MUC4: variants seen among roughly 807,000 people sequenced by gnomAD.
MUC4 encodes the protein mucin 4, cell surface associated, also known as mucin-4.
A neutral mutation model predicts 257.9 loss-of-function variants in MUC4; 202 were observed. The observed-to-expected ratio is 0.78, with a 90% CI of 0.70 to 0.88. The LOEUF (loss-of-function observed/expected upper bound fraction) is 0.88. MUC4 is among the 40% of genes least tolerant of loss of function. The pLI is 0.00. For missense variants in MUC4, 5,976 were observed against 6,513.7 expected (o/e 0.92, Z 2.84); for synonymous variants, 2,351 against 2,757.1 (o/e 0.85, Z 4.62).
Position 195,764,055 on chromosome 3 carries a change from G to C in MUC4, c.14034C>G (p.Pro4678=). The change falls in exon 11 of 25, where the codon CCC becomes CCG. Residue 4678 remains proline (P), a synonymous_variant. Transcript: ENST00000463781. ...RPHVGCATYR[P]PQPAWMFGDP... ...GGCCCTGTCGCTCACCGGGCTGTGGGGGCCTGTATGTAGCACAGCCCACGT... is the reference window on the plus strand; with the variant it reads ...GGCCCTGTCGCTCACCGGGCTGTGGCGGCCTGTATGTAGCACAGCCCACGT... The C allele has an allele frequency of 6.2e-7, 1 of 1,610,356 alleles. No homozygotes were observed. Among genetic ancestry groups the C allele is most frequent in the Non-Finnish European group, 8.5e-7 (1 of 1,178,842 alleles).
At chr3:195,749,658 A>G (rs1401581251) in intron 23 of MUC4, among the ~76,000 whole-genome samples, 1 of 152,234 alleles carries the variant, frequency 6.6e-6, no homozygotes, top group Non-Finnish European at 1.5e-5. Flanking sequence ...ACATACCATC[A>G]TAATATGTCA....
chr3:195,798,680 G>A (rs1462619065), intron 1 of MUC4, among the ~76,000 whole-genome samples: 2 of 151,928 alleles, frequency 1.3e-5, no homozygotes, highest in Admixed American at 1.3e-4. Context: ...CTCCTGCCTG[G>A]GTGACAGAGT....
Position 195,781,256 on chromosome 3 carries a change from G to C in MUC4, c.10324C>G (p.Pro3442Ala), listed in dbSNP as rs1020276587. The change falls in exon 2 of 25, where the codon CCT becomes GCT. Residue 3442 changes from proline (P) to alanine (A), a missense_variant. By Grantham distance (27) the Pro-to-Ala change is conservative. Around this residue, in one of 44 missense-constraint regions of MUC4, gnomAD observed 297 missense variants for 240.9 expected, o/e 1.23. Coordinates refer to ENST00000463781, the MANE Select transcript of MUC4 (RefSeq NM_018406.7). ...GATGCTGAGGAAGTGCTGGTGACAGGAACAGGGGTGGCGTGACCGGTGGAT... is the reference window on the plus strand; with the variant it reads ...GATGCTGAGGAAGTGCTGGTGACAGCAACAGGGGTGGCGTGACCGGTGGAT... ...SASTGHATPV[P>A]VTSTSSASTG... 119,371 of 1,451,916 alleles carry C rather than the reference G, an allele frequency of 0.082. 46 individuals carry two copies. Among genetic ancestry groups the C allele is most frequent in the Non-Finnish European group, 0.091 (98,266 of 1,080,170 alleles). 89.9% of individuals were successfully genotyped at this position (1,451,916 alleles called of 1,614,324 possible).
chr3:195,786,298 A>G lies in MUC4; in HGVS notation c.5282T>C (p.Leu1761Pro), dbSNP rs200764851. The G allele has an allele frequency of 3.8e-3, 5,740 of 1,515,848 alleles. No individual in the cohort carries two copies. The highest frequency in any genetic ancestry group is 4.5e-3 in the Non-Finnish European group (5,065 of 1,124,838). The allele number at this position is 1,515,848 out of a possible 1,614,324, so 93.9% of individuals were successfully genotyped here. A position where few individuals can be genotyped will look rare whatever the true frequency, so the allele number is the denominator to read the frequency against. The change falls in exon 2 of 25, where the codon CTT becomes CCT. Residue 1761 changes from leucine (L) to proline (P), a missense_variant. Coordinates refer to ENST00000463781, the MANE Select transcript of MUC4 (RefSeq NM_018406.7). ...TACTGAGGAAGTGTCGGTGACAGGA[A>G]GAGGGGTGGCCTGACCTGTGGATGC... ...SSASTGQATP[L>P]PVTDTSSVST...
intron 1 of MUC4, among the ~76,000 whole-genome samples, chr3:195,799,414 C>A (rs910311921): frequency 1.3e-4 from 20 of 152,204 alleles, no homozygotes; most frequent in African/African-American, 4.6e-4. Context: ...GATTCTCCTG[C>A]TTCAGCCTCC....
At chr3:195,796,001 A>G (rs1293404614) in intron 1 of MUC4, among the ~76,000 whole-genome samples, 1 of 152,152 alleles carries the variant, frequency 6.6e-6, no homozygotes, top group East Asian at 1.9e-4. Context: ...TAAATTGGAT[A>G]TACTGTCCTT....
Position 195,762,157 on chromosome 3 carries a change from CG to C in MUC4, c.14441del (p.Ala4814GlyfsTer57). On this transcript the variant is annotated frameshift_variant, in exon 14 of 25. Coordinates refer to ENST00000463781, the MANE Select transcript of MUC4 (RefSeq NM_018406.7). LOFTEE classifies it high-confidence loss of function. ...FDGWATVSVI[A>X]LSNILHASAS... ...CGGAGGCGTGGAGGATGTTGGAGAG[CG>C]CGATCACCGAGACGGTGGCCCAGCC... 1 of 1,602,160 alleles carries C rather than the reference CG, an allele frequency of 6.2e-7. No homozygotes were observed.
rs576444248 is a variant in MUC4 at position 195,762,006 on chromosome 3, G to T, written c.14512+81C>A. 2.8e-4 allele frequency: 410 copies of T among 1,448,012 alleles called. 2 individuals are homozygous for T. Among genetic ancestry groups the T allele is most frequent in the Non-Finnish European group, 2.9e-5 (31 of 1,078,096 alleles). The allele number at this position is 1,448,012 out of a possible 1,614,324, so 89.7% of individuals were successfully genotyped here. A position where few individuals can be genotyped will look rare whatever the true frequency, so the allele number is the denominator to read the frequency against. ...AGGCGGAGAAAGGGAGGCCGAGCAG[G>T]GCTGCCCGGGCCGCCGGCGTGGGGG... On this transcript the variant is annotated intron_variant, in intron 14 of 24. Transcript: ENST00000463781.
In MUC4 at chr3:195,774,323, A is replaced by G; in HGVS notation, c.12944-18T>C. 2 of 1,503,632 alleles carry G rather than the reference A, an allele frequency of 1.3e-6. No individual in the cohort carries two copies. The highest frequency in any genetic ancestry group is 1.8e-6 in the Non-Finnish European group (2 of 1,129,822). 93.1% of individuals were successfully genotyped at this position (1,503,632 alleles called of 1,614,324 possible). A position where few individuals can be genotyped will look rare whatever the true frequency, so the allele number is the denominator to read the frequency against. ...GGAAACTCCTGGGCCAGGACAGAGA[A>G]GAGCAGGAAGTCCAAGTGGGCCTGG... On this transcript the variant is annotated intron_variant, in intron 3 of 24. Coordinates refer to ENST00000463781, the MANE Select transcript of MUC4 (RefSeq NM_018406.7).
chr3:195,805,653 T>C (rs541126407), intron 1 of MUC4, among the ~76,000 whole-genome samples: 2 of 152,100 alleles, frequency 1.3e-5, no homozygotes, highest in Non-Finnish European at 2.9e-5. Flanking sequence ...CCCACCACCA[T>C]CTCCTGCTAA....
At position 195,788,753 on chromosome 3, in the gene MUC4, T is replaced by C. The variant is rs752058584; in HGVS notation, c.2827A>G (p.Thr943Ala). Reference protein sequence around the residue: ...STVPPTPPSITSTGLTSPQTE... With the variant: ...STVPPTPPSIASTGLTSPQTE... ...TGTGGAGATGTAAGCCCAGTGGATG[T>C]GATCGATGGAGGTGTGGGTGGGACT... is the stretch of plus-strand genomic sequence containing the variant. Residue 943 changes from threonine (T) to alanine (A), a missense_variant, in exon 2 of 25, where the codon ACA becomes GCA. By Grantham distance (58) the Thr-to-Ala change is moderately conservative. This residue lies in a region of MUC4 where 1,583 missense variants were observed against 1,257.4 expected (regional missense o/e 1.26). Coordinates refer to ENST00000463781, the MANE Select transcript of MUC4 (RefSeq NM_018406.7). The C allele has an allele frequency of 5.0e-6, 8 of 1,613,644 alleles. No individual in the cohort carries two copies. In the African/African-American group the frequency reaches 1.1e-4, roughly 22 times the overall value.
chr3:195,782,234 C>G lies in MUC4; in HGVS notation c.9346G>C (p.Gly3116Arg), dbSNP rs1400116635. The stretch of plus-strand genomic sequence containing the variant: ...GTGACAGGAAGAGGGGTGGTGTGAC[C>G]TGTGGATGCTGAGGAAGGGCTAGTG... Reference protein sequence around the residue: ...PVTSPSSASTGHTTPLPVTDT... With the variant: ...PVTSPSSASTRHTTPLPVTDT... The change falls in exon 2 of 25, where the codon GGT becomes CGT. Residue 3116 changes from glycine to arginine, a missense_variant. Around this residue, in one of 44 missense-constraint regions of MUC4, gnomAD observed 128 missense variants for 104.8 expected, o/e 1.22. Coordinates refer to ENST00000463781, the MANE Select transcript of MUC4 (RefSeq NM_018406.7). 1.3e-6 allele frequency: 2 copies of G among 1,528,204 alleles called. No homozygotes were observed. Among genetic ancestry groups the G allele is most frequent in the Non-Finnish European group, 1.8e-6 (2 of 1,135,880 alleles). 94.7% of individuals were successfully genotyped at this position (1,528,204 alleles called of 1,614,324 possible).
In MUC4 at chr3:195,787,297, G is replaced by T. The variant is rs1326330261; in HGVS notation, c.4283C>A (p.Thr1428Asn). 4 of 518,910 alleles carry T rather than the reference G, an allele frequency of 7.7e-6. No homozygotes were observed. The highest frequency in any genetic ancestry group is 9.2e-6 in the Non-Finnish European group (3 of 326,488). The allele number at this position is 518,910 out of a possible 1,614,324, so 32.1% of individuals were successfully genotyped here. A position where few individuals can be genotyped will look rare whatever the true frequency, so the allele number is the denominator to read the frequency against. ...STGHATPLPV[T>N]DASSVSTDHA... Reference sequence around the variant, plus strand: ...ATCTGTGGACACTGAGGAAGCGTCGGTGACAGGAAGAGGGGTGGCGTGTCC... The same window carrying T: ...ATCTGTGGACACTGAGGAAGCGTCGTTGACAGGAAGAGGGGTGGCGTGTCC... Residue 1428 changes from threonine (T) to asparagine (N), a missense_variant, in exon 2 of 25, where the codon ACC (threonine) becomes AAC (asparagine). This residue lies in a region of MUC4 where 58 missense variants were observed against 65.4 expected (regional missense o/e 0.89). Transcript: ENST00000463781.
rs562155982 is a variant in MUC4 at position 195,791,425 on chromosome 3, G to A, written c.155C>T (p.Ala52Val). ...APVTSTGSTTATLEGQSTAAS... is the reference protein window; with the variant it reads ...APVTSTGSTTVTLEGQSTAAS... ...TGCAGTTGATTGTCCCTCTAGTGTC[G>A]CTGTTGTTGAGCCTGTTGAGGTGAC... is the stretch of plus-strand genomic sequence containing the variant. Residue 52 changes from alanine (A) to valine (V), a missense_variant, in exon 2 of 25, where the codon GCG (alanine) becomes GTG (valine). Physicochemically the swap from Ala to Val is moderately conservative, Grantham distance 64. Transcript: ENST00000463781. 7.1e-5 allele frequency: 114 copies of A among 1,613,928 alleles called. No individual in the cohort carries two copies. Among genetic ancestry groups the A allele is most frequent in the Admixed American group, 2.7e-4 (16 of 60,022 alleles).
Position 195,757,358 on chromosome 3 carries a change from G to A in MUC4, c.14987-30C>T. 1.9e-6 allele frequency: 3 copies of A among 1,572,094 alleles called. No individual in the cohort carries two copies. The highest frequency in any genetic ancestry group is 2.7e-5 in the African/African-American group (2 of 74,454). ...CCCGGGGAAGATGAGAATGTTGAGAGCTGGGAGACTCCTCGGCTCTGTGGT... is the reference window on the plus strand; with the variant it reads ...CCCGGGGAAGATGAGAATGTTGAGAACTGGGAGACTCCTCGGCTCTGTGGT... On this transcript the variant is annotated intron_variant, in intron 17 of 24. Transcript: ENST00000463781. This position sits in a 1 kb window ranked among gnomAD's most constrained non-coding sequence, Gnocchi z 4.8.
chr3:195,798,357 T>C (rs893217565), intron 1 of MUC4, among the ~76,000 whole-genome samples: 1 of 152,140 alleles, frequency 6.6e-6, no homozygotes, highest in Non-Finnish European at 1.5e-5. Context: ...TCAAAACCCA[T>C]AATCTTGCTA....
At chr3:195,760,763 C>A in intron 16 of MUC4, 121 bp downstream of exon 16, 1 of 813,006 alleles carries the variant, frequency 1.2e-6, no homozygotes, top group Non-Finnish European at 2.1e-6. Flanking sequence ...CAGAGGAATG[C>A]CAGGAGTGGA....
rs1017944741 is a variant in MUC4, at chr3:195,810,746, G to A, written c.82+990C>T. ...CTTCCCTTGCTTGCTGCTGTCTCCC[G>A]ATCTTCTCCTCTCTCCATTCCCAGG... is the stretch of plus-strand genomic sequence containing the variant. On this transcript the variant is annotated intron_variant, in intron 1 of 24. Transcript: ENST00000463781. This position sits in a 1 kb window ranked among gnomAD's most constrained non-coding sequence, Gnocchi z 4.2. Among the ~76,000 whole-genome samples, 12 of 152,036 alleles carry A rather than the reference G, an allele frequency of 7.9e-5. No homozygotes were observed. Among genetic ancestry groups the A allele is most frequent in the East Asian group, 5.8e-4 (3 of 5,182 alleles).
intron 7 of MUC4, among the ~76,000 whole-genome samples, chr3:195,767,926 C>CACCACCA (rs1721915669): frequency 6.8e-6 from 1 of 147,726 alleles, no homozygotes; most frequent in African/African-American, 2.6e-5. Context: ...CCACTGCCAC[C>CACCACCA]TCCACCGCCA....
Sources: gnomAD v4.1 joint callset for allele counts (sites outside exome capture counted in the v4.1 genomes callset) on GRCh38, gnomAD v4.1.1 for gene constraint, gnomAD v4.1.1 regional missense constraint, Gnocchi (gnomAD v3.1) non-coding constraint, MANE v1.5 for transcripts, NCBI Gene and HGNC (gene_info 2026-07-23, HGNC 2026-07-21) for gene names.